Variants in ZNF609 observed in about 807,000 individuals in gnomAD.
ZNF609 encodes the protein zinc finger protein 609.
A neutral mutation model predicts 109.5 loss-of-function variants in ZNF609; 11 were observed. The ratio of observed to expected loss-of-function variants is 0.10; its 90% confidence interval spans 0.06 to 0.17. The LOEUF is 0.17. Among genes scored for constraint, ZNF609 ranks in the 10% least tolerant of loss-of-function variants. ZNF609 has a pLI of 1.00. For missense variants in ZNF609, 1,559 were observed against 1,772.4 expected (o/e 0.88, Z 2.16); for synonymous variants, 646 against 662.0 (o/e 0.98, Z 0.37).
chr15:64,468,167 C>T lies in ZNF609; in HGVS notation c.-128+7329C>T, dbSNP rs74855517. Reference sequence around the variant, plus strand: ...AAGCAGTTGGAAGTACAGGCAGGCGCCACCACACCCAGCTAATTTTTTTTT... The same window carrying T: ...AAGCAGTTGGAAGTACAGGCAGGCGTCACCACACCCAGCTAATTTTTTTTT... On this transcript the variant is annotated intron_variant, in intron 1 of 9. Coordinates refer to ENST00000326648, the MANE Select transcript of ZNF609 (RefSeq NM_015042.2). 5.5e-3 allele frequency among the ~76,000 whole-genome samples: 839 copies of T among 152,158 alleles called. 7 individuals carry two copies. Among genetic ancestry groups the T allele is most frequent in the Non-Finnish European group, 8.9e-3 (605 of 67,986 alleles).
intron 2 of ZNF609, among the ~76,000 whole-genome samples, chr15:64,571,762 T>C (rs988334006): frequency 2.6e-5 from 4 of 152,138 alleles, no homozygotes; most frequent in Non-Finnish European, 5.9e-5. Flanking sequence ...CTCTGCCTCC[T>C]GGGTTCAAGC....
Position 64,635,607 on chromosome 15 carries a change from T to G in ZNF609, c.973+12555T>G, listed in dbSNP as rs1896161635. ...AGTCATTGGTTGTGATGAAATCTGC[T>G]GGAAGATGTTGAGCCCTCTGGTCTT... On this transcript the variant is annotated intron_variant, in intron 3 of 9. Transcript: ENST00000326648. Among the ~76,000 whole-genome samples the G allele has an allele frequency of 2.0e-5, 3 of 152,366 alleles. No homozygotes were observed. The South Asian group carries it at 6.2e-4, about 32-fold the overall frequency.
chr15:64,649,417 C>T (rs987568690), intron 3 of ZNF609, among the ~76,000 whole-genome samples: 1 of 152,130 alleles, frequency 6.6e-6, no homozygotes, highest in Non-Finnish European at 1.5e-5. Flanking sequence ...CACACACATG[C>T]ACACACCCAT....
chr15:64,651,855 C>A (rs1159403281), intron 3 of ZNF609, among the ~76,000 whole-genome samples: 2 of 152,214 alleles, frequency 1.3e-5, no homozygotes, highest in East Asian at 3.8e-4. Context: ...GATTGCTCCC[C>A]TCTTGGGAAG....
At chr15:64,540,259 C>T (rs1470153470) in intron 2 of ZNF609, among the ~76,000 whole-genome samples, 1 of 152,124 alleles carries the variant, frequency 6.6e-6, no homozygotes, top group Non-Finnish European at 1.5e-5. Context: ...TGTGGGGAGG[C>T]TGGTCAAAAG....
chr15:64,499,371 T>A lies in ZNF609; in HGVS notation c.-49T>A. On this transcript the variant is annotated 5_prime_UTR_variant, in exon 2 of 10. Transcript: ENST00000326648. ...TAGCTGAAGCTGAAAATAGGAAAGC[T>A]GGGGGCAAGGAAGAGCCTTGAATCT... 6.3e-7 allele frequency: 1 copy of A among 1,581,926 alleles called. No homozygotes were observed. The highest frequency in any genetic ancestry group is 8.6e-7 in the Non-Finnish European group (1 of 1,164,108).
intron 2 of ZNF609, among the ~76,000 whole-genome samples, chr15:64,549,124 G>A (rs1337274893): frequency 6.6e-6 from 1 of 152,020 alleles, no homozygotes; most frequent in African/African-American, 2.4e-5. Context: ...ATAATAATAA[G>A]TACTTAAAAA....
At chr15:64,473,117 C>T (rs1013053034) in intron 1 of ZNF609, among the ~76,000 whole-genome samples, 2 of 151,782 alleles carry the variant, frequency 1.3e-5, no homozygotes, top group African/African-American at 4.9e-5. Flanking sequence ...TTGAAACCCG[C>T]CTATGCTTTT....
chr15:64,557,533 T>C (rs1044082714), intron 2 of ZNF609, among the ~76,000 whole-genome samples: 1 of 151,906 alleles, frequency 6.6e-6, no homozygotes, highest in African/African-American at 2.4e-5. Flanking sequence ...GTGGTGGGGA[T>C]TGGTGGAAAG....
chr15:64,600,065 G>C (rs1003586351), intron 2 of ZNF609, among the ~76,000 whole-genome samples: 1 of 152,118 alleles, frequency 6.6e-6, no homozygotes, highest in Non-Finnish European at 1.5e-5. Flanking sequence ...GCTCATGCCT[G>C]TGGTCCCAAC....
intron 3 of ZNF609, among the ~76,000 whole-genome samples, chr15:64,660,950 G>GTTGTTTGT (rs533587412): frequency 4.0e-5 from 6 of 151,784 alleles, no homozygotes; most frequent in African/African-American, 4.8e-5. Context: ...CTGGGTTTTT[G>GTTGTTTGT]TTGTTTGTTT....
At chr15:64,478,160 G>GTA (rs1419600490) in intron 1 of ZNF609, among the ~76,000 whole-genome samples, 2 of 98,580 alleles carry the variant, frequency 2.0e-5, no homozygotes, top group Non-Finnish European at 3.8e-5. Flanking sequence ...ATAAAGGTGT[G>GTA]TGTGTGTGTG....
At chr15:64,607,208 C>G (rs933574502) in intron 2 of ZNF609, among the ~76,000 whole-genome samples, 1 of 151,674 alleles carries the variant, frequency 6.6e-6, no homozygotes, top group African/African-American at 2.4e-5. Flanking sequence ...AATAATAGAA[C>G]TATCATTTAC....
chr15:64,602,889 A>ATTTTTTTTTTTTTTTTTTTTTTTTTTTT (rs10600562), intron 2 of ZNF609, among the ~76,000 whole-genome samples: 2 of 75,174 alleles, frequency 2.7e-5, no homozygotes, highest in Non-Finnish European at 4.7e-5. Context: ...CTCTGGGCTA[A>ATTTTTTTTTTTTTTTTTTTTTTTTTTTT]TTTTTTTTTT....
intron 2 of ZNF609, among the ~76,000 whole-genome samples, chr15:64,510,946 T>A (rs974497229): frequency 6.6e-6 from 1 of 151,938 alleles, no homozygotes; most frequent in African/African-American, 2.4e-5. Context: ...ATTTTTATAT[T>A]TATCTTTTAT....
intron 1 of ZNF609, among the ~76,000 whole-genome samples, chr15:64,479,284 A>T (rs72741349): frequency 0.063 from 5,440 of 86,550 alleles, 207 homozygotes; most frequent in Middle Eastern, 0.14. Context: ...TACCTGTGTG[A>T]TTTTTTTTTT....
intron 3 of ZNF609, among the ~76,000 whole-genome samples, chr15:64,655,694 G>C (rs1374838993): frequency 6.6e-6 from 1 of 152,058 alleles, no homozygotes; most frequent in Non-Finnish European, 1.5e-5. Flanking sequence ...GCTGGGCATG[G>C]TGGCAGGTGC....
rs144976146 is a variant in ZNF609, at chr15:64,603,521, G to A, written c.748-19306G>A. Among the ~76,000 whole-genome samples the A allele has an allele frequency of 8.9e-3, 1,355 of 151,522 alleles. 23 individuals are homozygous for A. The highest frequency in any genetic ancestry group is 0.031 in the African/African-American group (1,266 of 41,318). On this transcript the variant is annotated intron_variant, in intron 2 of 9. Coordinates refer to ENST00000326648, the MANE Select transcript of ZNF609 (RefSeq NM_015042.2). Reference sequence around the variant, plus strand: ...TGACCTCAGGTGATCTGCCTGCTTCGGCCTCCCAAAGTACTGGGATTACAG... The same window carrying A: ...TGACCTCAGGTGATCTGCCTGCTTCAGCCTCCCAAAGTACTGGGATTACAG...
Position 64,487,249 on chromosome 15 carries a change from C to T in ZNF609, c.-127-12044C>T, listed in dbSNP as rs569594264. Among the ~76,000 whole-genome samples the T allele has an allele frequency of 1.1e-4, 17 of 152,276 alleles. No individual in the cohort carries two copies. In the South Asian group the frequency reaches 3.5e-3, roughly 32 times the overall value. On this transcript the variant is annotated intron_variant, in intron 1 of 9. Transcript: ENST00000326648. ...TACTGTCTCCCTCCATCCCTCCCAT[C>T]CTGTTATCTCTCTAAATAGCCTAAT...
Sources: gnomAD v4.1 joint callset for allele counts (sites outside exome capture counted in the v4.1 genomes callset) on GRCh38, gnomAD v4.1.1 for gene constraint, MANE v1.5 for transcripts, NCBI Gene and HGNC (gene_info 2026-07-23, HGNC 2026-07-21) for gene names.